The following ABHD17B variants were observed in gnomAD, a reference collection of about 807,000 sequenced individuals.
ABHD17B encodes the protein abhydrolase domain containing 17B, depalmitoylase.
A neutral mutation model predicts 26.2 loss-of-function variants in ABHD17B; 9 were observed. The observed-to-expected ratio is 0.34, with a 90% CI of 0.21 to 0.60. ABHD17B has a LOEUF of 0.60. Among genes scored for constraint, ABHD17B ranks in the 20% least tolerant of loss-of-function variants. The pLI is 0.80. For missense variants in ABHD17B, 224 were observed against 352.1 expected (o/e 0.64, Z 2.91); for synonymous variants, 127 against 122.3 (o/e 1.04, Z -0.25).
chr9:71,890,477 G>C (rs1260599975), intron 1 of ABHD17B, among the ~76,000 whole-genome samples: 3 of 152,110 alleles, frequency 2.0e-5, no homozygotes, highest in Non-Finnish European at 4.4e-5. Flanking sequence ...CATTATTGCT[G>C]ACTATACAAT....
intron 2 of ABHD17B, among the ~76,000 whole-genome samples, chr9:71,871,439 T>G (rs189981804): frequency 6.6e-5 from 10 of 152,326 alleles, no homozygotes; most frequent in Non-Finnish European, 1.3e-4. Flanking sequence ...AGAAAAGCTT[T>G]TTTCTTTACA....
chr9:71,862,463 A>C (rs984501845), downstream of ABHD17B: 84 of 1,194,050 alleles, frequency 7.0e-5, no homozygotes, highest in Admixed American at 4.7e-4. Context: ...TGGAGAGCAA[A>C]TAAGTTTATG....
chr9:71,882,419 G>A (rs1826471506), intron 1 of ABHD17B, among the ~76,000 whole-genome samples: 1 of 152,200 alleles, frequency 6.6e-6, no homozygotes, highest in Admixed American at 6.5e-5. Flanking sequence ...AGTACTTTGG[G>A]AGGCCAAGGC....
intron 1 of ABHD17B, among the ~76,000 whole-genome samples, chr9:71,891,232 T>C (rs1331203047): frequency 3.9e-5 from 6 of 152,324 alleles, no homozygotes; most frequent in Non-Finnish European, 8.8e-5. Flanking sequence ...GTGATTCTCA[T>C]CTCTCAAAAA....
intron 1 of ABHD17B, among the ~76,000 whole-genome samples, chr9:71,904,307 A>G (rs1435671336): frequency 1.3e-5 from 2 of 152,214 alleles, no homozygotes; most frequent in Non-Finnish European, 1.5e-5. Context: ...TTCCCAGAAT[A>G]GTGACTGGTA....
At chr9:71,867,656 A>G (rs1337536607) in intron 3 of ABHD17B, among the ~76,000 whole-genome samples, 1 of 152,154 alleles carries the variant, frequency 6.6e-6, no homozygotes, top group Non-Finnish European at 1.5e-5. Context: ...TGAAATATAC[A>G]GGATTTTTGC....
chr9:71,880,507 C>T (rs1424809901), intron 1 of ABHD17B, among the ~76,000 whole-genome samples: 1 of 151,796 alleles, frequency 6.6e-6, no homozygotes, highest in Non-Finnish European at 1.5e-5. Flanking sequence ...AATAGATATA[C>T]AGGGACAAAA....
Position 71,866,140 on chromosome 9 carries a change from C to G in ABHD17B, c.*647G>C, listed in dbSNP as rs1312523477. 1 of 985,002 alleles carries G rather than the reference C, an allele frequency of 1.0e-6. No individual in the cohort carries two copies. Among genetic ancestry groups the G allele is most frequent in the Non-Finnish European group, 1.2e-6 (1 of 829,292 alleles). The allele number at this position is 985,002 out of a possible 1,614,324, so 61.0% of individuals were successfully genotyped here. On this transcript the variant is annotated 3_prime_UTR_variant, in exon 4 of 4. Transcript: ENST00000333421. ...TTAAAATTCAGTGCTATCATGACTT[C>G]TCATTTACAAGGTAACTCATTGGTA... is the stretch of plus-strand genomic sequence containing the variant.
chr9:71,886,240 C>G (rs1175334980), intron 1 of ABHD17B, among the ~76,000 whole-genome samples: 1 of 152,040 alleles, frequency 6.6e-6, no homozygotes, highest in East Asian at 1.9e-4. Flanking sequence ...TTAGTACATA[C>G]AGAGAAGCTG....
At chr9:71,902,958 C>A (rs1032115403) in intron 1 of ABHD17B, among the ~76,000 whole-genome samples, 1 of 152,122 alleles carries the variant, frequency 6.6e-6, no homozygotes, top group Non-Finnish European at 1.5e-5. Flanking sequence ...CTTCAAGTTT[C>A]TTGTGATTGG....
chr9:71,906,920 T>C (rs1435772637), intron 1 of ABHD17B, among the ~76,000 whole-genome samples: 2 of 152,190 alleles, frequency 1.3e-5, no homozygotes, highest in African/African-American at 4.8e-5. Flanking sequence ...ACCATTACAC[T>C]TGGTGGCTAA....
At position 71,874,947 on chromosome 9, in the gene ABHD17B, C is replaced by T. The variant is rs142902473; in HGVS notation, c.134G>A (p.Arg45His). Residue 45 changes from arginine to histidine, a missense_variant, in exon 2 of 4, where the codon CGT becomes CAT. Transcript: ENST00000333421. The stretch of plus-strand genomic sequence containing the variant: ...TCGTTCAGACAGATGTAAAGTCCAA[C>T]GGCTTCCGCTTTCATCACACATCAG... ...YTLMCDESGS[R>H]WTLHLSERAD... The T allele has an allele frequency of 3.1e-4, 505 of 1,614,182 alleles. 3 individuals are homozygous for T. In the East Asian group the frequency reaches 9.5e-3, roughly 30 times the overall value.
intron 1 of ABHD17B, among the ~76,000 whole-genome samples, chr9:71,896,637 T>C (rs1826964922): frequency 6.6e-6 from 1 of 151,638 alleles, no homozygotes; most frequent in African/African-American, 2.4e-5. Context: ...GTCAAGCAAA[T>C]AAACAGGGGG....
At chr9:71,884,226 G>C (rs943610472) in intron 1 of ABHD17B, among the ~76,000 whole-genome samples, 2 of 152,192 alleles carry the variant, frequency 1.3e-5, no homozygotes, top group Non-Finnish European at 2.9e-5. Flanking sequence ...GGGGAAAATG[G>C]AAATCTTTGT....
Position 71,865,548 on chromosome 9 carries a change from A to G in ABHD17B, c.*1239T>C. On this transcript the variant is annotated 3_prime_UTR_variant, in exon 4 of 4. Coordinates refer to ENST00000333421, the MANE Select transcript of ABHD17B (RefSeq NM_001025780.3). The stretch of plus-strand genomic sequence containing the variant: ...CATGAAATTCTCAGATAGTAATCCA[A>G]AACAATAGGTCCTATTTTTAAAAAT... 1.0e-6 allele frequency: 1 copy of G among 985,270 alleles called. No individual in the cohort carries two copies. Among genetic ancestry groups the G allele is most frequent in the Non-Finnish European group, 1.2e-6 (1 of 829,860 alleles). The allele number at this position is 985,270 out of a possible 1,614,324, so 61.0% of individuals were successfully genotyped here.
intron 1 of ABHD17B, among the ~76,000 whole-genome samples, chr9:71,875,823 T>C (rs1218627793): frequency 6.6e-6 from 1 of 152,224 alleles, no homozygotes; most frequent in Non-Finnish European, 1.5e-5. Context: ...TTTATGAAGC[T>C]ATTTGTCAGG....
At position 71,865,419 on chromosome 9, in the gene ABHD17B, G is replaced by C; in HGVS notation, c.*1368C>G. The C allele has an allele frequency of 1.0e-6, 1 of 984,290 alleles. No individual in the cohort carries two copies. Among genetic ancestry groups the C allele is most frequent in the Non-Finnish European group, 1.2e-6 (1 of 828,982 alleles). 61.0% of individuals were successfully genotyped at this position (984,290 alleles called of 1,614,324 possible). A position where few individuals can be genotyped will look rare whatever the true frequency, so the allele number is the denominator to read the frequency against. On this transcript the variant is annotated 3_prime_UTR_variant, in exon 4 of 4. Coordinates refer to ENST00000333421, the MANE Select transcript of ABHD17B (RefSeq NM_001025780.3). ...TCAGACAGGGTTCATTCAAGGAAAG[G>C]CAACTTAGTTTTTGTATGTGTGAGC...
intron 1 of ABHD17B, among the ~76,000 whole-genome samples, chr9:71,885,730 G>GTA (rs1207405375): frequency 6.6e-6 from 1 of 152,126 alleles, no homozygotes. Flanking sequence ...ATGACCTACT[G>GTA]TATCTCCTTC....
intron 1 of ABHD17B, among the ~76,000 whole-genome samples, chr9:71,890,295 C>A (rs933099411): frequency 6.6e-6 from 1 of 151,474 alleles, no homozygotes; most frequent in South Asian, 2.1e-4. Flanking sequence ...GTCACACAGA[C>A]ACACACACAC....
Sources: gnomAD v4.1 joint callset for allele counts (sites outside exome capture counted in the v4.1 genomes callset) on GRCh38, gnomAD v4.1.1 for gene constraint, MANE v1.5 for transcripts, NCBI Gene and HGNC (gene_info 2026-07-23, HGNC 2026-07-21) for gene names.